The following LPP variants were observed in gnomAD, a reference collection of about 807,000 sequenced individuals.
LPP encodes the protein lipoma-preferred partner.
In LPP, 38 loss-of-function variants were observed where a neutral mutation model predicts 60.4. That is an observed-to-expected ratio of 0.63 (90% CI 0.49 to 0.83). LPP has a LOEUF of 0.83. Ranked by LOEUF, LPP falls within the 40% of genes least tolerant of loss-of-function variation. The pLI is 0.00. For missense variants in LPP, 902 were observed against 783.6 expected (o/e 1.15, Z -1.80); for synonymous variants, 328 against 290.8 (o/e 1.13, Z -1.30).
chr3:188,366,324 G>C (rs1354818474), intron 3 of LPP, among the ~76,000 whole-genome samples: 1 of 152,150 alleles, frequency 6.6e-6, no homozygotes, highest in African/African-American at 2.4e-5. Context: ...TGGCTATTGT[G>C]AATAACGCAG....
At chr3:188,167,269 G>A (rs936225609) in intron 1 of LPP, among the ~76,000 whole-genome samples, 3 of 152,136 alleles carry the variant, frequency 2.0e-5, no homozygotes, top group Non-Finnish European at 4.4e-5. Context: ...AGGCCGAGGC[G>A]GGCAGGTCAC....
upstream of LPP, chr3:188,153,619 C>T (rs944115954): frequency 1.2e-4 from 18 of 152,616 alleles, no homozygotes; most frequent in Middle Eastern, 3.4e-3. Context: ...TCCCTGCATT[C>T]CCGCGTCTCC....
chr3:188,455,920 G>T (rs1179678149), intron 4 of LPP, among the ~76,000 whole-genome samples: 1 of 152,118 alleles, frequency 6.6e-6, no homozygotes, highest in Non-Finnish European at 1.5e-5. Context: ...TTAGAGACAG[G>T]ATTTTGCTGT....
At chr3:188,669,660 G>A (rs1000948060) in intron 7 of LPP, among the ~76,000 whole-genome samples, 6 of 152,176 alleles carry the variant, frequency 3.9e-5, no homozygotes, top group Non-Finnish European at 5.9e-5. Context: ...ATTTTATACT[G>A]TTGGTGGGAG....
chr3:188,799,123 G>A (rs1280605914), intron 9 of LPP, among the ~76,000 whole-genome samples: 1 of 152,216 alleles, frequency 6.6e-6, no homozygotes, highest in Non-Finnish European at 1.5e-5. Flanking sequence ...GCTGGAGCAA[G>A]AACATTCCAA....
chr3:188,440,949 A>ATG (rs10680234), intron 4 of LPP, among the ~76,000 whole-genome samples: 52,343 of 146,440 alleles, frequency 0.36, 9,720 homozygotes, highest in African/African-American at 0.42. Context: ...CTCCCTTAAT[A>ATG]TGTGTGTGTG....
At chr3:188,650,292 A>T (rs1212014973) in intron 7 of LPP, among the ~76,000 whole-genome samples, 1 of 152,244 alleles carries the variant, frequency 6.6e-6, no homozygotes, top group Non-Finnish European at 1.5e-5. Flanking sequence ...TGTCAATATT[A>T]TCATAAACTC....
chr3:188,617,223 A>G (rs574820974), intron 7 of LPP, among the ~76,000 whole-genome samples: 4 of 152,346 alleles, frequency 2.6e-5, no homozygotes, highest in East Asian at 1.9e-4. Flanking sequence ...TTTCAGAATC[A>G]TAAGTCTTAA....
intron 5 of LPP, among the ~76,000 whole-genome samples, chr3:188,521,546 C>A (rs971587886): frequency 5.3e-5 from 8 of 152,134 alleles, no homozygotes; most frequent in Non-Finnish European, 8.8e-5. Context: ...CCCAAGGGAA[C>A]ACTTAATGAA....
At chr3:188,636,601 C>T (rs572413301) in intron 7 of LPP, among the ~76,000 whole-genome samples, 4 of 152,264 alleles carry the variant, frequency 2.6e-5, no homozygotes, top group African/African-American at 9.6e-5. Flanking sequence ...GCTCTGGGGG[C>T]CCAGGGCACA....
At chr3:188,488,097 A>G (rs1283074912) in intron 5 of LPP, among the ~76,000 whole-genome samples, 1 of 147,912 alleles carries the variant, frequency 6.8e-6, no homozygotes, top group African/African-American at 2.5e-5. Context: ...CAGAGGTCTT[A>G]TTGAATTTGA....
chr3:188,854,272 G>C (rs1164323207), intron 9 of LPP, among the ~76,000 whole-genome samples: 1 of 152,148 alleles, frequency 6.6e-6, no homozygotes, highest in Admixed American at 6.5e-5. Flanking sequence ...GGTGGGGGAG[G>C]AATCAAAACA....
intron 7 of LPP, among the ~76,000 whole-genome samples, chr3:188,634,574 A>G (rs1429736946): frequency 1.3e-5 from 2 of 152,154 alleles, no homozygotes; most frequent in African/African-American, 4.8e-5. Context: ...CATTACTCAC[A>G]TTACTGCCTG....
chr3:188,167,287 C>G (rs1720256169), intron 1 of LPP, among the ~76,000 whole-genome samples: 1 of 152,154 alleles, frequency 6.6e-6, no homozygotes. Context: ...CACCTGAGGT[C>G]AGGAGCTCGA....
intron 3 of LPP, among the ~76,000 whole-genome samples, chr3:188,354,317 T>C (rs1766864533): frequency 6.6e-6 from 1 of 152,352 alleles, no homozygotes; most frequent in Admixed American, 6.5e-5. Context: ...TTCTTTTTTG[T>C]ACCTTTCCAG....
chr3:188,831,531 C>T (rs1017069247), intron 9 of LPP, among the ~76,000 whole-genome samples: 1 of 152,178 alleles, frequency 6.6e-6, no homozygotes, highest in Non-Finnish European at 1.5e-5. Flanking sequence ...AACAAGGATA[C>T]ACTTTCAAGG....
At chr3:188,475,157 G>T (rs1277035376) in intron 4 of LPP, among the ~76,000 whole-genome samples, 1 of 152,144 alleles carries the variant, frequency 6.6e-6, no homozygotes, top group Non-Finnish European at 1.5e-5. Context: ...TATAAAAGAG[G>T]ACTTTTAAAG....
Position 188,746,135 on chromosome 3 carries a change from T to G in LPP, c.1241-13978T>G, listed in dbSNP as rs373217171. 7.9e-5 allele frequency among the ~76,000 whole-genome samples: 12 copies of G among 152,192 alleles called. 1 individual carries two copies. The South Asian group carries it at 2.3e-3, about 29-fold the overall frequency. On this transcript the variant is annotated intron_variant, in intron 8 of 11. Coordinates refer to ENST00000617246, the MANE Select transcript of LPP (RefSeq NM_001375462.1). Reference sequence around the variant, plus strand: ...ACCAGGCTAAATTATTCCTCAGTGTTTACCCCTTTCAGATATTTATAGACC... The same window carrying G: ...ACCAGGCTAAATTATTCCTCAGTGTGTACCCCTTTCAGATATTTATAGACC...
intron 3 of LPP, among the ~76,000 whole-genome samples, chr3:188,390,884 T>A (rs376941858): frequency 6.6e-6 from 1 of 152,306 alleles, no homozygotes; most frequent in South Asian, 2.1e-4. Context: ...TTCTCTGCTG[T>A]TCTTAACAAG....
Sources: allele counts gnomAD v4.1 joint callset (sites outside exome capture counted in the v4.1 genomes callset), GRCh38; gene constraint gnomAD v4.1.1; transcripts MANE v1.5; gene names NCBI Gene and HGNC (gene_info 2026-07-23, HGNC 2026-07-21).